RBM33: variants seen among roughly 807,000 people sequenced by gnomAD.
The protein encoded by RBM33 is RNA binding motif protein 33.
In RBM33, 28 loss-of-function variants were observed where a neutral mutation model predicts 132.6. The ratio of observed to expected loss-of-function variants is 0.21; its 90% CI spans 0.16 to 0.29. RBM33 has a LOEUF of 0.29. RBM33 is among the 10% of genes least tolerant of loss of function. The pLI, the probability that RBM33 is intolerant of heterozygous loss-of-function variation, is 1.00. For missense variants in RBM33, 1,291 were observed against 1,518.5 expected, an observed-to-expected ratio of 0.85 and a Z score of 2.49; for synonymous variants, 634 against 593.0, an observed-to-expected ratio of 1.07 and a Z score of -1.01.
chr7:155,768,058 GTCC>G (rs1017124898), intron 16 of RBM33, among the ~76,000 whole-genome samples: 2 of 152,194 alleles, frequency 1.3e-5, no homozygotes, highest in Non-Finnish European at 2.9e-5. Context: ...TGTCCTGCTG[GTCC>G]TCCTGTCTTT....
chr7:155,764,118 A>G (rs1423204371), intron 15 of RBM33, 100 bp downstream of exon 15: 2 of 882,504 alleles, frequency 2.3e-6, no homozygotes, highest in Non-Finnish European at 3.4e-6. Context: ...ACACAGTAGT[A>G]CTCACATTCA....
Position 155,707,015 on chromosome 7 carries a change from G to A in RBM33, c.895G>A (p.Gly299Ser). Residue 299 changes from glycine to serine, a missense_variant, in exon 7 of 18, where the codon GGC (glycine) becomes AGC (serine). Gly to Ser is a moderately conservative substitution (Grantham distance 56). Coordinates refer to ENST00000401878, the MANE Select transcript of RBM33 (RefSeq NM_053043.3). ...CCAGAGGAGAGAGAGCACCGAGAGG[G>A]GCAGGATGAAGGACCACAGACCTGC... ...GDQRRESTER[G>S]RMKDHRPALL... The A allele has an allele frequency of 6.3e-7, 1 of 1,580,438 alleles. No homozygotes were observed. The highest frequency in any genetic ancestry group is 8.6e-7 in the Non-Finnish European group (1 of 1,163,162).
intron 8 of RBM33, among the ~76,000 whole-genome samples, chr7:155,717,354 T>G (rs1274961001): frequency 6.6e-6 from 1 of 152,132 alleles, no homozygotes; most frequent in Non-Finnish European, 1.5e-5. Flanking sequence ...CACGTGGTCC[T>G]CCCTCTGTGT....
intron 2 of RBM33, 56 bp from the exon 3 acceptor site, chr7:155,672,811 A>G: frequency 7.4e-7 from 1 of 1,349,292 alleles, no homozygotes; most frequent in Non-Finnish European, 1.0e-6. Flanking sequence ...AGTGATCTAC[A>G]AACTTGCAAG....
chr7:155,660,541 G>C (rs1484051720), intron 1 of RBM33, among the ~76,000 whole-genome samples: 2 of 152,124 alleles, frequency 1.3e-5, no homozygotes, highest in East Asian at 3.9e-4. Context: ...GGTGGATTTG[G>C]GACTCTTTGA....
chr7:155,767,233 C>T (rs969516081), intron 16 of RBM33, among the ~76,000 whole-genome samples: 24 of 152,224 alleles, frequency 1.6e-4, no homozygotes, highest in African/African-American at 5.3e-4. Flanking sequence ...GGGTTTTCCA[C>T]GGAAACTCCT....
intron 4 of RBM33, 81 bp from the exon 5 acceptor site, chr7:155,680,509 G>GT (rs1281068969): frequency 1.0e-6 from 1 of 999,748 alleles, no homozygotes; most frequent in Non-Finnish European, 1.4e-6. Flanking sequence ...TTAAATCTTT[G>GT]TAACAGCTAT....
At chr7:155,673,317 AAAAT>A (rs1300518380) in intron 3 of RBM33, among the ~76,000 whole-genome samples, 5 of 152,182 alleles carry the variant, frequency 3.3e-5, no homozygotes, top group East Asian at 1.9e-4. Context: ...AATAAACATT[AAAAT>A]AAATAAAAGT....
At chr7:155,761,118 A>AC (rs893592897) in intron 14 of RBM33, among the ~76,000 whole-genome samples, 2 of 152,162 alleles carry the variant, frequency 1.3e-5, no homozygotes, top group African/African-American at 4.8e-5. Context: ...CCCTTGGTTA[A>AC]CCGGGGGGGT....
rs74691067 is a variant in RBM33, at chr7:155,653,911, C to A, written c.43+8992C>A. ...ATTGCAGTTGGCATCTGAAGTGGGG[C>A]AGCCTTGTGAAACTGAGCCCTTAAC... On this transcript the variant is annotated intron_variant, in intron 1 of 17. Coordinates refer to ENST00000401878, the MANE Select transcript of RBM33 (RefSeq NM_053043.3). Among the ~76,000 whole-genome samples the A allele has an allele frequency of 2.6e-3, 399 of 152,272 alleles. 12 individuals are homozygous for A. The East Asian group carries it at 0.07, about 27-fold the overall frequency.
At chr7:155,677,860 G>A (rs999560609) in intron 3 of RBM33, among the ~76,000 whole-genome samples, 2 of 152,114 alleles carry the variant, frequency 1.3e-5, no homozygotes, top group African/African-American at 4.8e-5. Flanking sequence ...ACTGGCTTTC[G>A]TGAAGGGAGT....
At chr7:155,762,188 C>T (rs932935970) in intron 14 of RBM33, among the ~76,000 whole-genome samples, 3 of 152,182 alleles carry the variant, frequency 2.0e-5, no homozygotes, top group African/African-American at 7.2e-5. Context: ...TAGCACTTTC[C>T]GTTCTGGAAT....
intron 15 of RBM33, among the ~76,000 whole-genome samples, chr7:155,765,020 A>T (rs1802166848): frequency 6.6e-6 from 1 of 152,206 alleles, no homozygotes; most frequent in Non-Finnish European, 1.5e-5. Context: ...TGTGGTCTGA[A>T]TTTTCTTCCT....
Position 155,685,091 on chromosome 7 carries a change from G to C in RBM33, c.567+4183G>C, listed in dbSNP as rs1402575967. The C allele has an allele frequency of 7.1e-6, 11 of 1,540,644 alleles. No individual in the cohort carries two copies. The South Asian group carries it at 1.1e-4, about 15-fold the overall frequency. On this transcript the variant is annotated intron_variant, in intron 5 of 17. Transcript: ENST00000401878. ...TTTTAAAAAGAGTAAAAAGTTTGCT[G>C]TTTCCCTCCCCCAGACTTAAAATGA...
At chr7:155,685,114 T>C in intron 5 of RBM33, 1 of 1,498,706 alleles carries the variant, frequency 6.7e-7, no homozygotes, top group Non-Finnish European at 9.0e-7. Flanking sequence ...AGACTTAAAA[T>C]GAGCATCTTT....
At chr7:155,654,817 A>C (rs972145542) in intron 1 of RBM33, among the ~76,000 whole-genome samples, 1 of 152,198 alleles carries the variant, frequency 6.6e-6, no homozygotes, top group Non-Finnish European at 1.5e-5. Context: ...ACTTCATTAA[A>C]AATTTTATAT....
At chr7:155,690,286 T>C (rs1241247921) in intron 5 of RBM33, among the ~76,000 whole-genome samples, 1 of 152,190 alleles carries the variant, frequency 6.6e-6, no homozygotes, top group Non-Finnish European at 1.5e-5. Context: ...GAGAGTAGGA[T>C]TGTATCCCCT....
At chr7:155,692,663 C>CGA (rs1430444341) in intron 5 of RBM33, among the ~76,000 whole-genome samples, 1 of 152,180 alleles carries the variant, frequency 6.6e-6, no homozygotes, top group Non-Finnish European at 1.5e-5. Flanking sequence ...TTATTTCTGA[C>CGA]GAAGAGTCTT....
At chr7:155,684,295 A>AG (rs1799412485) in intron 5 of RBM33, among the ~76,000 whole-genome samples, 1 of 152,100 alleles carries the variant, frequency 6.6e-6, no homozygotes, top group South Asian at 2.1e-4. Context: ...GCTGAGTAGG[A>AG]TCAGACGTTG....
Sources: gnomAD v4.1 joint callset for allele counts (sites outside exome capture counted in the v4.1 genomes callset) on GRCh38, gnomAD v4.1.1 for gene constraint, MANE v1.5 for transcripts, NCBI Gene and HGNC (gene_info 2026-07-23, HGNC 2026-07-21) for gene names.